SENP7: variants seen among roughly 807,000 people sequenced by gnomAD.
SENP7 encodes SUMO specific peptidase 7.
In SENP7, 64 loss-of-function variants were observed where a neutral mutation model predicts 141.2. The ratio of observed to expected loss-of-function variants is 0.45; its 90% CI spans 0.37 to 0.56. SENP7 has a LOEUF of 0.56. Among genes scored for constraint, SENP7 ranks in the 20% least tolerant of loss-of-function variants. SENP7 has a pLI of 0.00. For missense variants in SENP7, 1,025 were observed against 1,212.2 expected (o/e 0.85, Z 2.29); for synonymous variants, 382 against 426.4 (o/e 0.90, Z 1.28).
At chr3:101,449,453 T>A (rs1265720000) in intron 4 of SENP7, among the ~76,000 whole-genome samples, 1 of 152,148 alleles carries the variant, frequency 6.6e-6, no homozygotes, top group Non-Finnish European at 1.5e-5. Flanking sequence ...GAAAAAATGT[T>A]AAGGGCAGCC....
At chr3:101,425,061 T>C (rs2061915389) in intron 4 of SENP7, among the ~76,000 whole-genome samples, 1 of 151,988 alleles carries the variant, frequency 6.6e-6, no homozygotes, top group Non-Finnish European at 1.5e-5. Flanking sequence ...TAATTGTGAG[T>C]CCCCCCATAG....
intron 15 of SENP7, 150 bp from the exon 16 acceptor site, chr3:101,340,361 TTTCC>T: frequency 1.0e-6 from 1 of 960,976 alleles, no homozygotes; most frequent in Non-Finnish European, 1.5e-6. Context: ...ATAATGATAT[TTTCC>T]TTCCTTTATC....
intron 4 of SENP7, among the ~76,000 whole-genome samples, chr3:101,420,312 A>G (rs565030558): frequency 1.6e-4 from 24 of 152,192 alleles, no homozygotes; most frequent in African/African-American, 5.8e-4. Context: ...AGCTTGCAGT[A>G]AGCCGAGATT....
At chr3:101,488,550 T>C (rs1012579967) in intron 3 of SENP7, among the ~76,000 whole-genome samples, 1 of 152,142 alleles carries the variant, frequency 6.6e-6, no homozygotes, top group East Asian at 1.9e-4. Flanking sequence ...AATAGAAAGG[T>C]TGACATGCAG....
intron 4 of SENP7, among the ~76,000 whole-genome samples, chr3:101,440,892 A>G (rs902425343): frequency 2.6e-5 from 4 of 152,250 alleles, no homozygotes; most frequent in Non-Finnish European, 4.4e-5. Context: ...TGAGTAAAAT[A>G]AAGAATATAA....
At chr3:101,454,151 TAAAC>T (rs1394375874) in intron 4 of SENP7, among the ~76,000 whole-genome samples, 2 of 152,160 alleles carry the variant, frequency 1.3e-5, no homozygotes, top group African/African-American at 4.8e-5. Context: ...CTCAGAAAGT[TAAAC>T]AATATTAATG....
intron 4 of SENP7, chr3:101,457,152 A>G (rs41365344): frequency 0.022 from 20,025 of 912,034 alleles, 310 homozygotes; most frequent in Non-Finnish European, 0.028. Flanking sequence ...TATCAGATCC[A>G]TAAACAAAAA....
rs1023518701 is a variant in SENP7, at chr3:101,482,998, G to A, written c.186+10875C>T. Among the ~76,000 whole-genome samples, 5 of 152,178 alleles carry A rather than the reference G, an allele frequency of 3.3e-5. No homozygotes were observed. The East Asian group carries it at 9.6e-4, about 29-fold the overall frequency. On this transcript the variant is annotated intron_variant, in intron 3 of 23. Coordinates refer to ENST00000394095, the MANE Select transcript of SENP7 (RefSeq NM_020654.5). ...AAAAGGGAATGCTTATCCACTGTTG[G>A]TGGGAATTAGTTCTGCCACTGTGGA...
chr3:101,480,570 A>G (rs1035201933), intron 3 of SENP7, among the ~76,000 whole-genome samples: 1 of 152,122 alleles, frequency 6.6e-6, no homozygotes, highest in Non-Finnish European at 1.5e-5. Flanking sequence ...TAAAACTACT[A>G]AAAGGAAACA....
chr3:101,456,777 A>AT (rs1270780626), intron 4 of SENP7, among the ~76,000 whole-genome samples: 2 of 152,094 alleles, frequency 1.3e-5, no homozygotes, highest in African/African-American at 4.8e-5. Flanking sequence ...TAATATAAGT[A>AT]TTTTTTAAAT....
At chr3:101,464,775 G>C (rs1295255716) in intron 3 of SENP7, among the ~76,000 whole-genome samples, 1 of 152,028 alleles carries the variant, frequency 6.6e-6, no homozygotes, top group Non-Finnish European at 1.5e-5. Flanking sequence ...TGGATCCATA[G>C]AAAAATTGTC....
chr3:101,513,009 C>A (rs1267756640), intron 1 of SENP7, 82 bp downstream of exon 1: 3 of 1,516,766 alleles, frequency 2.0e-6, no homozygotes, highest in East Asian at 4.5e-5. Flanking sequence ...GGCTTCGGGC[C>A]GCAACCCCAG....
intron 1 of SENP7, among the ~76,000 whole-genome samples, chr3:101,506,405 T>C (rs1017578964): frequency 2.6e-5 from 4 of 151,982 alleles, no homozygotes; most frequent in African/African-American, 7.3e-5. Flanking sequence ...CCTTATATCA[T>C]GAAATCAATA....
intron 3 of SENP7, among the ~76,000 whole-genome samples, chr3:101,488,314 T>C (rs1311223226): frequency 6.6e-6 from 1 of 152,212 alleles, no homozygotes; most frequent in Non-Finnish European, 1.5e-5. Flanking sequence ...TGATTTTGTA[T>C]CCTGAAAGGT....
chr3:101,398,547 T>C (rs968693617), intron 6 of SENP7, among the ~76,000 whole-genome samples: 2 of 152,054 alleles, frequency 1.3e-5, no homozygotes, highest in East Asian at 1.9e-4. Context: ...GAGAGGGCAA[T>C]AGACTAATGT....
At chr3:101,462,881 G>A (rs1465980416) in intron 3 of SENP7, among the ~76,000 whole-genome samples, 4 of 150,990 alleles carry the variant, frequency 2.6e-5, no homozygotes, top group African/African-American at 4.9e-5. Flanking sequence ...AAAAAAAGAA[G>A]AAACCACTAA....
intron 4 of SENP7, among the ~76,000 whole-genome samples, chr3:101,449,896 G>A (rs2063055645): frequency 6.6e-6 from 1 of 152,162 alleles, no homozygotes; most frequent in African/African-American, 2.4e-5. Context: ...TGGGCTAAAT[G>A]CTCCAATTAA....
Position 101,328,679 on chromosome 3 carries a change from G to C in SENP7, c.2762C>G (p.Ser921Trp). Reference sequence around the variant, plus strand: ...CATTTTCTTTGGTACTGACATATTCGACTCGGTACTCTGAAATAACATAAA... The same window carrying C: ...CATTTTCTTTGGTACTGACATATTCCACTCGGTACTCTGAAATAACATAAA... The part of the protein sequence containing the change: ...LSAEDSQSTE[S>W]NMSVPKKMCK... Residue 921 changes from serine to tryptophan, a missense_variant, in exon 21 of 24, where the codon TCG becomes TGG. By Grantham distance (177) the Ser-to-Trp change is radical. This residue lies in a region of SENP7 where 295 missense variants were observed against 459.1 expected (regional missense o/e 0.64). Coordinates refer to ENST00000394095, the MANE Select transcript of SENP7 (RefSeq NM_020654.5). 3.7e-6 allele frequency: 6 copies of C among 1,605,274 alleles called. No individual in the cohort carries two copies. The highest frequency in any genetic ancestry group is 5.1e-6 in the Non-Finnish European group (6 of 1,174,646).
chr3:101,491,343 CAAATCCT>C (rs2108094791), intron 3 of SENP7, among the ~76,000 whole-genome samples: 2 of 86,322 alleles, frequency 2.3e-5, no homozygotes, highest in Admixed American at 1.5e-4. Flanking sequence ...GGCTGGTCTC[CAAATCCT>C]GGGCTCAAGA....
Sources: allele counts gnomAD v4.1 joint callset (sites outside exome capture counted in the v4.1 genomes callset), GRCh38; gene constraint gnomAD v4.1.1; regional missense constraint gnomAD v4.1.1; transcripts MANE v1.5; gene names NCBI Gene and HGNC (gene_info 2026-07-23, HGNC 2026-07-21).